The following PIP5K1B variants were observed in gnomAD, a reference collection of about 807,000 sequenced individuals.
PIP5K1B encodes the protein phosphatidylinositol-4-phosphate 5-kinase type 1 beta.
A neutral mutation model predicts 67.0 loss-of-function variants in PIP5K1B; 42 were observed. The ratio of observed to expected loss-of-function variants is 0.63; its 90% CI spans 0.49 to 0.81. The LOEUF (loss-of-function observed/expected upper bound fraction) is 0.81. PIP5K1B is among the 30% of genes least tolerant of loss of function. The pLI is 0.00. For missense variants in PIP5K1B, 459 were observed against 646.3 expected (o/e 0.71, Z 3.14); for synonymous variants, 214 against 231.4 (o/e 0.92, Z 0.68).
At chr9:68,925,126 AT>A (rs1366852367) in intron 12 of PIP5K1B, among the ~76,000 whole-genome samples, 15 of 149,040 alleles carry the variant, frequency 1.0e-4, no homozygotes, top group South Asian at 4.2e-4. Context: ...ACGTAATCTA[AT>A]TTTTTTTTTT....
chr9:68,837,607 GTTT>G (rs57120656), intron 4 of PIP5K1B, among the ~76,000 whole-genome samples: 1 of 111,868 alleles, frequency 8.9e-6, no homozygotes, highest in Non-Finnish European at 1.8e-5. Flanking sequence ...CTTACTTTGT[GTTT>G]TTTTTTTTTT....
chr9:68,824,418 C>T (rs1377720146), intron 4 of PIP5K1B: 4 of 320,098 alleles, frequency 1.2e-5, no homozygotes, highest in Non-Finnish European at 2.4e-5. Context: ...TTAATGTCTC[C>T]AGTAGGATAT....
chr9:68,939,861 T>C lies in PIP5K1B; in HGVS notation c.1358-785T>C, dbSNP rs570085580. Among the ~76,000 whole-genome samples, 145 of 152,360 alleles carry C rather than the reference T, an allele frequency of 9.5e-4. 1 individual carries two copies. The highest frequency in any genetic ancestry group is 3.2e-3 in the African/African-American group (135 of 41,590). On this transcript the variant is annotated intron_variant, in intron 13 of 15. Transcript: ENST00000265382. ...TGTGCCTATAAAGGAATACCAGGAATACCTTAAAGTTATAATTGTATTTAT... is the reference window on the plus strand; with the variant it reads ...TGTGCCTATAAAGGAATACCAGGAACACCTTAAAGTTATAATTGTATTTAT...
chr9:68,904,872 C>T (rs1009288081), intron 8 of PIP5K1B, among the ~76,000 whole-genome samples: 19 of 151,728 alleles, frequency 1.3e-4, no homozygotes, highest in Admixed American at 2.0e-4. Flanking sequence ...AACTCCTTTT[C>T]CTTTCTTCCT....
chr9:68,999,256 C>T (rs1488746444), intron 15 of PIP5K1B, among the ~76,000 whole-genome samples: 6 of 152,134 alleles, frequency 3.9e-5, no homozygotes, highest in Non-Finnish European at 1.5e-5. Flanking sequence ...CTGCAAAGAC[C>T]CTATTTCCAA....
chr9:69,006,373 T>C lies in PIP5K1B; in HGVS notation c.1621-2074T>C, dbSNP rs1277094601. On this transcript the variant is annotated intron_variant, in intron 15 of 15. Transcript: ENST00000265382. ...CTGGGGGAGGACATAAATTTCAGGA[T>C]CCTTAATGAAGAAAGAGTGGAGGGG... Among the ~76,000 whole-genome samples, 3 of 152,028 alleles carry C rather than the reference T, an allele frequency of 2.0e-5. No homozygotes were observed. The East Asian group carries it at 5.8e-4, about 29-fold the overall frequency.
chr9:68,854,868 C>T (rs917095518), intron 4 of PIP5K1B, among the ~76,000 whole-genome samples: 4 of 152,218 alleles, frequency 2.6e-5, no homozygotes, highest in South Asian at 2.1e-4. Flanking sequence ...GATATGTACA[C>T]GTGTACTTGG....
chr9:68,958,987 A>G (rs183511271), intron 14 of PIP5K1B, among the ~76,000 whole-genome samples: 2 of 152,358 alleles, frequency 1.3e-5, no homozygotes, highest in Admixed American at 6.5e-5. Flanking sequence ...AGTACTCCCA[A>G]TATTGACGTG....
At chr9:68,948,358 G>T (rs1230719213) in intron 14 of PIP5K1B, among the ~76,000 whole-genome samples, 2 of 152,210 alleles carry the variant, frequency 1.3e-5, no homozygotes, top group East Asian at 3.8e-4. Flanking sequence ...CTGGCTGCGA[G>T]TGATGGCTCA....
intron 1 of PIP5K1B, among the ~76,000 whole-genome samples, chr9:68,727,370 C>T (rs1027254715): frequency 3.9e-5 from 6 of 152,040 alleles, no homozygotes; most frequent in Non-Finnish European, 8.8e-5. Flanking sequence ...CTTGCACATA[C>T]GTTTCCCTGA....
chr9:68,723,032 G>A (rs1262724609), intron 1 of PIP5K1B, among the ~76,000 whole-genome samples: 3 of 151,932 alleles, frequency 2.0e-5, no homozygotes, highest in Admixed American at 6.6e-5. Context: ...TCCCACATAC[G>A]AGTGAGAACA....
chr9:68,993,903 A>G (rs925023342), intron 15 of PIP5K1B, among the ~76,000 whole-genome samples: 12 of 152,180 alleles, frequency 7.9e-5, no homozygotes, highest in African/African-American at 2.9e-4. Flanking sequence ...GTTATTGACC[A>G]TAAATATAAG....
At chr9:68,828,689 T>C (rs1309492523) in intron 4 of PIP5K1B, among the ~76,000 whole-genome samples, 1 of 152,228 alleles carries the variant, frequency 6.6e-6, no homozygotes, top group Non-Finnish European at 1.5e-5. Context: ...CAGGGTCTTT[T>C]ATAAAATGTT....
In PIP5K1B at chr9:68,764,074, CTTTTTTTT is replaced by C. The variant is rs72304177; in HGVS notation, c.-86+21436_-86+21443del. Among the ~76,000 whole-genome samples the C allele has an allele frequency of 1.4e-4, 10 of 73,546 alleles. No individual in the cohort carries two copies. In the South Asian group the frequency reaches 3.5e-3, roughly 26 times the overall value. The allele number at this position is 73,546 out of a possible 152,430, so 48.2% of individuals were successfully genotyped here. ...TTTGGACACCCCTCTACTATAACTTCTTTTTTTTTTTTTTTTTTTTTTTTTTGGAATCA... is the reference window on the plus strand; with the variant it reads ...TTTGGACACCCCTCTACTATAACTTCTTTTTTTTTTTTTTTTTTGGAATCA... On this transcript the variant is annotated intron_variant, in intron 2 of 15. Transcript: ENST00000265382.
intron 2 of PIP5K1B, among the ~76,000 whole-genome samples, chr9:68,815,319 T>G (rs1319668737): frequency 6.6e-6 from 1 of 151,906 alleles, no homozygotes; most frequent in African/African-American, 2.4e-5. Flanking sequence ...AGAAATTTTT[T>G]TAAGAATCAG....
At chr9:68,772,942 A>G (rs933524715) in intron 2 of PIP5K1B, among the ~76,000 whole-genome samples, 1 of 152,168 alleles carries the variant, frequency 6.6e-6, no homozygotes. Context: ...TATGGACACC[A>G]TATTATTTTA....
chr9:68,997,421 C>G (rs529611608), intron 15 of PIP5K1B, among the ~76,000 whole-genome samples: 1 of 152,306 alleles, frequency 6.6e-6, no homozygotes, highest in East Asian at 1.9e-4. Context: ...TATTCCTTCT[C>G]AGGAGAGAAC....
chr9:68,972,398 T>C (rs890706225), intron 14 of PIP5K1B, among the ~76,000 whole-genome samples: 1 of 152,178 alleles, frequency 6.6e-6, no homozygotes, highest in Non-Finnish European at 1.5e-5. Flanking sequence ...TTGTTAATAA[T>C]GGGCGATCGA....
intron 14 of PIP5K1B, among the ~76,000 whole-genome samples, chr9:68,983,474 C>CTTA (rs756017784): frequency 4.0e-5 from 6 of 151,782 alleles, no homozygotes; most frequent in Non-Finnish European, 4.4e-5. Context: ...TTTTTTTCTC[C>CTTA]TTAGCACTTT....
Sources: allele counts gnomAD v4.1 joint callset (sites outside exome capture counted in the v4.1 genomes callset), GRCh38; gene constraint gnomAD v4.1.1; transcripts MANE v1.5; gene names NCBI Gene and HGNC (gene_info 2026-07-23, HGNC 2026-07-21).